MCTP1: variants seen among roughly 807,000 people sequenced by gnomAD.
MCTP1 encodes the protein multiple C2 and transmembrane domain containing 1.
In MCTP1, 69 loss-of-function variants were observed where a neutral mutation model predicts 120.6. The ratio of observed to expected loss-of-function variants is 0.57; its 90% CI spans 0.47 to 0.70. The LOEUF is 0.70. Among genes scored for constraint, MCTP1 ranks in the 30% least tolerant of loss-of-function variants. The pLI is 0.00. For synonymous variants in MCTP1, 529 were observed against 493.1 expected, an observed-to-expected ratio of 1.07 and a Z score of -0.96; for missense variants, 1,203 against 1,248.8, an observed-to-expected ratio of 0.96 and a Z score of 0.55.
intron 1 of MCTP1, among the ~76,000 whole-genome samples, chr5:95,022,104 G>T (rs900323258): frequency 6.6e-6 from 1 of 152,112 alleles, no homozygotes; most frequent in African/African-American, 2.4e-5. Context: ...TCATGATTAT[G>T]TTCAAAACCA....
intron 2 of MCTP1, among the ~76,000 whole-genome samples, chr5:95,008,326 A>G (rs1156440690): frequency 3.9e-5 from 6 of 152,080 alleles, no homozygotes; most frequent in Non-Finnish European, 7.4e-5. Flanking sequence ...GAGAAACCCT[A>G]TATCTTAACC....
chr5:95,073,863 A>G (rs1308314615), intron 1 of MCTP1, among the ~76,000 whole-genome samples: 1 of 152,108 alleles, frequency 6.6e-6, no homozygotes, highest in Non-Finnish European at 1.5e-5. Context: ...CTGTAATCCC[A>G]GCACTTTGGG....
Position 95,238,694 on chromosome 5 carries a change from G to A in MCTP1, c.720+45162C>T, listed in dbSNP as rs964902335. On this transcript the variant is annotated intron_variant, in intron 1 of 22. Coordinates refer to ENST00000515393, the MANE Select transcript of MCTP1 (RefSeq NM_024717.7). ...CTGGAACAATGCATGATCACTAGTC[G>A]CCTGATACCAAGCCTCATATTCTTC... Among the ~76,000 whole-genome samples the A allele has an allele frequency of 1.1e-4, 16 of 152,144 alleles. No individual in the cohort carries two copies. In the East Asian group the frequency reaches 2.5e-3, roughly 24 times the overall value.
chr5:94,715,025 C>T (rs1438778544), intron 19 of MCTP1, 139 bp from the exon 20 acceptor site: 2 of 582,970 alleles, frequency 3.4e-6, no homozygotes, highest in Non-Finnish European at 6.0e-6. Flanking sequence ...AATTGGAACC[C>T]ATGAAAATAT....
chr5:95,190,279 C>T (rs923655588), intron 1 of MCTP1, among the ~76,000 whole-genome samples: 1 of 151,912 alleles, frequency 6.6e-6, no homozygotes, highest in Non-Finnish European at 1.5e-5. Flanking sequence ...TGCAGAGAAG[C>T]CAATTCTTGG....
chr5:95,173,829 T>C (rs1431310568), intron 1 of MCTP1, among the ~76,000 whole-genome samples: 1 of 146,644 alleles, frequency 6.8e-6, no homozygotes, highest in South Asian at 2.2e-4. Context: ...TGGAGAATAC[T>C]TAAAAAAAAA....
chr5:95,183,890 C>T (rs1221251257), intron 1 of MCTP1, among the ~76,000 whole-genome samples: 1 of 151,870 alleles, frequency 6.6e-6, no homozygotes, highest in Non-Finnish European at 1.5e-5. Flanking sequence ...TATAATATGG[C>T]GTGAACATTT....
At chr5:94,865,384 T>C (rs1796614442) in intron 17 of MCTP1, among the ~76,000 whole-genome samples, 1 of 151,864 alleles carries the variant, frequency 6.6e-6, no homozygotes, top group South Asian at 2.1e-4. Flanking sequence ...CATTATAAAG[T>C]TTACTGACTT....
intron 17 of MCTP1, among the ~76,000 whole-genome samples, chr5:94,808,315 G>A (rs1391930327): frequency 1.3e-5 from 2 of 152,094 alleles, no homozygotes; most frequent in Non-Finnish European, 2.9e-5. Context: ...CTAGCATAAC[G>A]ATAACCTTTT....
Position 95,052,868 on chromosome 5 carries a change from G to C in MCTP1, c.721-35384C>G, listed in dbSNP as rs1746376089. ...CTGGGGTAGCCGTCCAGTTAAACCT[G>C]AATTTTAGTACTAGAAGAAAATCCT... On this transcript the variant is annotated intron_variant, in intron 1 of 22. Transcript: ENST00000515393. Among the ~76,000 whole-genome samples, 6 of 152,162 alleles carry C rather than the reference G, an allele frequency of 3.9e-5. No homozygotes were observed. In the South Asian group the frequency reaches 1.2e-3, roughly 32 times the overall value.
intron 1 of MCTP1, among the ~76,000 whole-genome samples, chr5:95,148,587 C>G (rs745871003): frequency 6.6e-6 from 1 of 152,146 alleles, no homozygotes; most frequent in East Asian, 1.9e-4. Context: ...TTTTTCAGCT[C>G]TTGGATCATT....
chr5:94,898,673 T>C (rs1804721416), intron 10 of MCTP1, among the ~76,000 whole-genome samples: 1 of 152,224 alleles, frequency 6.6e-6, no homozygotes, highest in Non-Finnish European at 1.5e-5. Context: ...AATGGTTTTA[T>C]ATTGTTACCA....
At chr5:95,250,252 C>G (rs1757253504) in intron 1 of MCTP1, among the ~76,000 whole-genome samples, 1 of 152,162 alleles carries the variant, frequency 6.6e-6, no homozygotes, top group South Asian at 2.1e-4. Context: ...CTCAAGTTTT[C>G]TGTGTGATTC....
intron 20 of MCTP1, among the ~76,000 whole-genome samples, chr5:94,712,506 G>GGAATTAGTTGTTCCTTACCTTT (rs1298833768): frequency 2.6e-5 from 4 of 151,852 alleles, no homozygotes; most frequent in Non-Finnish European, 4.4e-5. Flanking sequence ...ATAATACTTA[G>GGAATTAGTTGTTCCTTACCTTT]GAATTAGTTG....
At chr5:94,730,036 G>A (rs1762842978) in intron 19 of MCTP1, among the ~76,000 whole-genome samples, 1 of 152,202 alleles carries the variant, frequency 6.6e-6, no homozygotes. Flanking sequence ...GCTTAGACCA[G>A]GGTGGATATA....
chr5:94,918,010 G>A, intron 7 of MCTP1, 37 bp from the exon 8 acceptor site: 1 of 1,519,120 alleles, frequency 6.6e-7, no homozygotes, highest in Non-Finnish European at 9.1e-7. Flanking sequence ...GTACGGGGAA[G>A]CTTTGTACCA....
intron 5 of MCTP1, among the ~76,000 whole-genome samples, chr5:94,933,695 T>C (rs1022071229): frequency 3.3e-5 from 5 of 151,798 alleles, no homozygotes; most frequent in Non-Finnish European, 7.4e-5. Context: ...ATATAAGAAA[T>C]GTTATGCTAT....
chr5:94,951,652 T>G (rs1451855286), intron 3 of MCTP1, among the ~76,000 whole-genome samples: 2 of 152,068 alleles, frequency 1.3e-5, no homozygotes, highest in African/African-American at 4.8e-5. Flanking sequence ...CACAGCCCAC[T>G]TGTCTTTTCT....
At chr5:95,140,485 T>A (rs1009808017) in intron 1 of MCTP1, among the ~76,000 whole-genome samples, 1 of 151,884 alleles carries the variant, frequency 6.6e-6, no homozygotes, top group Non-Finnish European at 1.5e-5. Flanking sequence ...GATTTGAAAA[T>A]TTTAAAGGGT....
Sources: allele counts gnomAD v4.1 joint callset (sites outside exome capture counted in the v4.1 genomes callset), GRCh38; gene constraint gnomAD v4.1.1; transcripts MANE v1.5; gene names NCBI Gene and HGNC (gene_info 2026-07-23, HGNC 2026-07-21).